RC3H1: variants seen among roughly 807,000 people sequenced by gnomAD.
The protein encoded by RC3H1 is ring finger and CCCH-type domains 1, also known as roquin-1.
Under a neutral mutation model 138.2 loss-of-function variants are expected in RC3H1, and 50 were observed. That is an observed-to-expected ratio of 0.36 (90% CI 0.29 to 0.46). The LOEUF is 0.46. Among genes scored for constraint, RC3H1 ranks in the 20% least tolerant of loss-of-function variants. The pLI, the probability that RC3H1 is intolerant of heterozygous loss-of-function variation, is 1.00. For synonymous variants in RC3H1, 462 were observed against 489.1 expected, an observed-to-expected ratio of 0.94 and a Z score of 0.73; for missense variants, 1,031 against 1,388.1, an observed-to-expected ratio of 0.74 and a Z score of 4.09.
chr1:173,977,396 C>T (rs1387824675), intron 7 of RC3H1, among the ~76,000 whole-genome samples: 1 of 152,046 alleles, frequency 6.6e-6, no homozygotes, highest in Non-Finnish European at 1.5e-5. Flanking sequence ...TTGTATGAAA[C>T]AGTATGTAGA....
intron 15 of RC3H1, 65 bp downstream of exon 15, chr1:173,947,304 G>T: frequency 1.9e-6 from 2 of 1,068,744 alleles, no homozygotes; most frequent in Non-Finnish European, 2.9e-6. Flanking sequence ...TAAATGGAGA[G>T]CAGGGGTAAT....
intron 9 of RC3H1, among the ~76,000 whole-genome samples, chr1:173,968,961 C>A (rs1227611874): frequency 6.7e-6 from 1 of 148,522 alleles, no homozygotes; most frequent in African/African-American, 2.5e-5. Flanking sequence ...CGGGTTCAAG[C>A]GATTCTCCTG....
At chr1:173,982,340 T>C (rs1047081277) in intron 5 of RC3H1, among the ~76,000 whole-genome samples, 2 of 152,154 alleles carry the variant, frequency 1.3e-5, no homozygotes, top group Non-Finnish European at 2.9e-5. Flanking sequence ...GATCATGCAC[T>C]GCACTCCAGC....
intron 1 of RC3H1, among the ~76,000 whole-genome samples, chr1:174,017,355 A>G (rs1430466354): frequency 1.3e-5 from 2 of 152,156 alleles, no homozygotes; most frequent in Admixed American, 1.3e-4. Flanking sequence ...GCAAACTTCT[A>G]TGAGTCTCAA....
At chr1:173,969,066 C>T (rs1557934579) in intron 9 of RC3H1, among the ~76,000 whole-genome samples, 2 of 151,790 alleles carry the variant, frequency 1.3e-5, no homozygotes, top group East Asian at 1.9e-4. Flanking sequence ...ACAATGTTGG[C>T]CAGGATGGTC....
chr1:173,977,550 A>G (rs1660639578), intron 7 of RC3H1, among the ~76,000 whole-genome samples: 1 of 152,238 alleles, frequency 6.6e-6, no homozygotes, highest in Non-Finnish European at 1.5e-5. Flanking sequence ...TGAAGCACTC[A>G]GAGGACACGA....
intron 2 of RC3H1, among the ~76,000 whole-genome samples, chr1:173,989,995 G>A (rs1158652673): frequency 2.6e-5 from 4 of 151,760 alleles, no homozygotes; most frequent in Non-Finnish European, 5.9e-5. Context: ...CAAAGTGCTG[G>A]GATTACAGGC....
At chr1:173,947,246 G>T in intron 15 of RC3H1, 123 bp downstream of exon 15, 1 of 684,412 alleles carries the variant, frequency 1.5e-6, no homozygotes, top group Non-Finnish European at 2.5e-6. Context: ...TGATTCCATG[G>T]AAAGTTTGAA....
At chr1:174,014,538 C>A (rs1447331166) in intron 1 of RC3H1, among the ~76,000 whole-genome samples, 1 of 152,132 alleles carries the variant, frequency 6.6e-6, no homozygotes, top group South Asian at 2.1e-4. Context: ...ATACAGTTAA[C>A]CCTAAACTAT....
Position 173,933,502 on chromosome 1 carries a change from A to C in RC3H1, c.*5219T>G, listed in dbSNP as rs1372040688. On this transcript the variant is annotated 3_prime_UTR_variant, in exon 20 of 20. Transcript: ENST00000367696. ...AAGATCTTTAGTGAACACAGAAATA[A>C]AATCTTAAAAATTCAAATCTTAAGA... The C allele has an allele frequency of 6.6e-6, 1 of 152,148 alleles. No homozygotes were observed. Among genetic ancestry groups the C allele is most frequent in the Admixed American group, 6.5e-5 (1 of 15,274 alleles). The allele number at this position is 152,148 out of a possible 1,614,324, so 9.4% of individuals were successfully genotyped here. A position where few individuals can be genotyped will look rare whatever the true frequency, so the allele number is the denominator to read the frequency against.
Position 173,978,570 on chromosome 1 carries a change from A to G in RC3H1, c.1020T>C (p.Ala340=). ...FAQSVQELTI[A]LQRTGDPANL... ...TTGCTGGGTCTCCAGTTCGCTGGAG[A>G]GCAATTGTTAGTTCCTGAACACTCT... Residue 340 remains alanine, a synonymous_variant, in exon 7 of 20, where the codon GCT becomes GCC. Transcript: ENST00000367696. 6.2e-7 allele frequency: 1 copy of G among 1,614,046 alleles called. No individual in the cohort carries two copies. The highest frequency in any genetic ancestry group is 8.5e-7 in the Non-Finnish European group (1 of 1,179,966).
At chr1:173,958,363 T>C (rs1447342481) in intron 13 of RC3H1, among the ~76,000 whole-genome samples, 1 of 152,006 alleles carries the variant, frequency 6.6e-6, no homozygotes, top group African/African-American at 2.4e-5. Context: ...GCCAACATGG[T>C]GAAACCCCAT....
At chr1:174,019,652 T>A (rs1661923286) in intron 1 of RC3H1, among the ~76,000 whole-genome samples, 1 of 152,188 alleles carries the variant, frequency 6.6e-6, no homozygotes, top group South Asian at 2.1e-4. Flanking sequence ...CAAGAAAATA[T>A]AAATCTAATT....
chr1:174,019,261 T>C (rs1661915925), intron 1 of RC3H1, among the ~76,000 whole-genome samples: 1 of 152,310 alleles, frequency 6.6e-6, no homozygotes, highest in Non-Finnish European at 1.5e-5. Context: ...GTCTTACAAG[T>C]AGATATCTGA....
chr1:174,002,615 G>C (rs906573609), intron 1 of RC3H1, among the ~76,000 whole-genome samples: 5 of 152,068 alleles, frequency 3.3e-5, no homozygotes, highest in Admixed American at 2.0e-4. Context: ...CACCACTATT[G>C]TGGAATAATT....
At chr1:174,000,780 C>T (rs981888062) in intron 1 of RC3H1, among the ~76,000 whole-genome samples, 3 of 152,080 alleles carry the variant, frequency 2.0e-5, no homozygotes, top group African/African-American at 7.2e-5. Flanking sequence ...GATAAAAACA[C>T]AAAGAAGAAA....
At chr1:173,988,660 AT>A (rs1298892824) in intron 2 of RC3H1, among the ~76,000 whole-genome samples, 13 of 152,198 alleles carry the variant, frequency 8.5e-5, no homozygotes, top group Admixed American at 7.2e-4. Flanking sequence ...ACCATTTTTC[AT>A]TTCCAAAAAG....
intron 1 of RC3H1, among the ~76,000 whole-genome samples, chr1:174,020,380 T>C (rs958312164): frequency 6.6e-6 from 1 of 152,190 alleles, no homozygotes; most frequent in Non-Finnish European, 1.5e-5. Flanking sequence ...TGCTAATCTA[T>C]TCAGTGTCAA....
At position 173,980,275 on chromosome 1, in the gene RC3H1, AGGT is replaced by A. The variant is rs1230124707; in HGVS notation, c.969+531_969+533del. Among the ~76,000 whole-genome samples, 6 of 149,618 alleles carry A rather than the reference AGGT, an allele frequency of 4.0e-5. No individual in the cohort carries two copies. In the South Asian group the frequency reaches 1.3e-3, roughly 32 times the overall value. ...AATAGGAAAAAAAAAAAAAAAAAAAAGGTGGGGGGGAATAGTCTGGTAAAAGGT... is the reference window on the plus strand; with the variant it reads ...AATAGGAAAAAAAAAAAAAAAAAAAAGGGGGGGAATAGTCTGGTAAAAGGT... On this transcript the variant is annotated intron_variant, in intron 6 of 19. Coordinates refer to ENST00000367696, the MANE Select transcript of RC3H1 (RefSeq NM_172071.4).
Sources: allele counts gnomAD v4.1 joint callset (sites outside exome capture counted in the v4.1 genomes callset), GRCh38; gene constraint gnomAD v4.1.1; transcripts MANE v1.5; gene names NCBI Gene and HGNC (gene_info 2026-07-23, HGNC 2026-07-21).